Variants in SLC30A10 observed in about 807,000 individuals in gnomAD.
SLC30A10 encodes the protein solute carrier family 30 member 10.
A neutral mutation model predicts 21.7 loss-of-function variants in SLC30A10; 8 were observed. The ratio of observed to expected loss-of-function variants is 0.37; its 90% CI spans 0.22 to 0.67. The LOEUF (loss-of-function observed/expected upper bound fraction) is 0.67. SLC30A10 is among the 30% of genes least tolerant of loss of function. The probability of loss-of-function intolerance (pLI) is 0.58; values close to 1 mark genes in which losing one functional copy is unlikely to be tolerated. For missense variants in SLC30A10, 521 were observed against 642.5 expected (o/e 0.81, Z 2.04); for synonymous variants, 272 against 279.4 (o/e 0.97, Z 0.26).
chr1:219,937,668 G>C (rs982047960), intron 1 of SLC30A10, among the ~76,000 whole-genome samples: 1 of 152,218 alleles, frequency 6.6e-6, no homozygotes, highest in South Asian at 2.1e-4. Context: ...ACAAAAATTA[G>C]TCAGGCGTGC....
At chr1:219,947,434 G>A (rs1447598736) in intron 1 of SLC30A10, among the ~76,000 whole-genome samples, 1 of 152,152 alleles carries the variant, frequency 6.6e-6, no homozygotes, top group Admixed American at 6.5e-5. Context: ...TTAAGAGGCT[G>A]AGATGGGAGG....
chr1:219,927,899 T>C lies in SLC30A10; in HGVS notation c.542A>G (p.Asp181Gly). 2 of 1,538,636 alleles carry C rather than the reference T, an allele frequency of 1.3e-6. No individual in the cohort carries two copies. The highest frequency in any genetic ancestry group is 1.8e-6 in the Non-Finnish European group (2 of 1,142,616). Reference protein sequence around the residue: ...QGAEDPRRAADPTAPGSDSAV... With the variant: ...QGAEDPRRAAGPTAPGSDSAV... ...CGAGTCCGAGCCTGGGGCTGTCGGG[T>C]CCGCCGCGCGCCGCGGGTCCTCCGC... Residue 181 changes from aspartate to glycine, a missense_variant, in exon 1 of 4, where the codon GAC becomes GGC. Transcript: ENST00000366926.
At position 219,912,916 on chromosome 1, in the gene SLC30A10, C is replaced by T. The variant is rs536128392; in HGVS notation, c.*2533G>A. Among the ~76,000 whole-genome samples, 2 of 152,036 alleles carry T rather than the reference C, an allele frequency of 1.3e-5. No individual in the cohort carries two copies. Among genetic ancestry groups the T allele is most frequent in the African/African-American group, 4.8e-5 (2 of 41,380 alleles). On this transcript the variant is annotated 3_prime_UTR_variant, in exon 4 of 4. Coordinates refer to ENST00000366926, the MANE Select transcript of SLC30A10 (RefSeq NM_018713.3). Reference sequence around the variant, plus strand: ...GGAGGAGGGGATTTTCTGTAAATAACCTAAGTATACAGGAGCACCAAACTG... The same window carrying T: ...GGAGGAGGGGATTTTCTGTAAATAATCTAAGTATACAGGAGCACCAAACTG...
In SLC30A10 at chr1:219,915,661, G is replaced by T. The variant is rs746390990; in HGVS notation, c.1246C>A (p.Pro416Thr). 5.6e-6 allele frequency: 9 copies of T among 1,614,122 alleles called. No individual in the cohort carries two copies. Among genetic ancestry groups the T allele is most frequent in the Non-Finnish European group, 7.6e-6 (9 of 1,180,064 alleles). ...SKGCAKQLCC[P>T]PGALPLAHVN... ...TGAGCCAGAGGCAGTGCCCCGGGGG[G>T]ACAACACAGCTGCTTAGCACAGCCC... The change falls in exon 4 of 4, where the codon CCC becomes ACC. Residue 416 changes from proline (P) to threonine (T), a missense_variant. Transcript: ENST00000366926.
At chr1:219,944,003 G>A (rs1660151855) in intron 1 of SLC30A10, among the ~76,000 whole-genome samples, 1 of 151,650 alleles carries the variant, frequency 6.6e-6, no homozygotes, top group Non-Finnish European at 1.5e-5. Flanking sequence ...TGGAAGCTGA[G>A]GTAGGAGAAT....
intron 1 of SLC30A10, among the ~76,000 whole-genome samples, chr1:219,950,706 T>C (rs192810953): frequency 1.3e-5 from 2 of 152,018 alleles, no homozygotes; most frequent in East Asian, 3.9e-4. Context: ...TCCCGGTACT[T>C]TGGGAGGCCG....
chr1:219,950,820 C>A (rs1293867695), intron 1 of SLC30A10, among the ~76,000 whole-genome samples: 19 of 145,452 alleles, frequency 1.3e-4, no homozygotes, highest in South Asian at 6.7e-4. Flanking sequence ...TGGTGGCGGG[C>A]GCCTGTAATC....
intron 1 of SLC30A10, among the ~76,000 whole-genome samples, chr1:219,947,283 T>C (rs1660198879): frequency 6.6e-6 from 1 of 152,224 alleles, no homozygotes; most frequent in East Asian, 1.9e-4. Context: ...GATCCTAGGA[T>C]TTTGCGAGGC....
In SLC30A10 at chr1:219,915,645, G is replaced by C; in HGVS notation, c.1262C>G (p.Pro421Arg). The change falls in exon 4 of 4, where the codon CCT becomes CGT. Residue 421 changes from proline (P) to arginine (R), a missense_variant. Transcript: ENST00000366926. ...KQLCCPPGALPLAHVNGCAEH... is the reference protein window; with the variant it reads ...KQLCCPPGALRLAHVNGCAEH... ...AGCACAGCCATTGACGTGAGCCAGA[G>C]GCAGTGCCCCGGGGGGACAACACAG... 2 of 1,614,264 alleles carry C rather than the reference G, an allele frequency of 1.2e-6. No individual in the cohort carries two copies. The highest frequency in any genetic ancestry group is 1.7e-6 in the Non-Finnish European group (2 of 1,180,042).
chr1:219,942,333 T>A (rs1385174406), intron 1 of SLC30A10, among the ~76,000 whole-genome samples: 4 of 152,086 alleles, frequency 2.6e-5, no homozygotes, highest in Non-Finnish European at 5.9e-5. Flanking sequence ...GAGACAAAAC[T>A]GAGATCGATG....
intron 2 of SLC30A10, among the ~76,000 whole-genome samples, chr1:219,925,651 A>ATATATATATATATATATTTTTT (rs1317554458): frequency 2.1e-4 from 10 of 48,282 alleles, no homozygotes; most frequent in East Asian, 8.2e-4. Flanking sequence ...ATATATATAT[A>ATATATATATATATATATTTTTT]TTTTTTTTTT....
rs1659460075 is a variant in SLC30A10, at chr1:219,913,380, G to A, written c.*2069C>T. Reference sequence around the variant, plus strand: ...TTAGAGATTAAAGAACAGTGTTTAAGTGCAAACTAATATCCATTCCTTCAG... The same window carrying A: ...TTAGAGATTAAAGAACAGTGTTTAAATGCAAACTAATATCCATTCCTTCAG... On this transcript the variant is annotated 3_prime_UTR_variant, in exon 4 of 4. Transcript: ENST00000366926. 6.6e-6 allele frequency: 1 copy of A among 152,208 alleles called. No individual in the cohort carries two copies. Among genetic ancestry groups the A allele is most frequent in the South Asian group, 2.1e-4 (1 of 4,834 alleles). 9.4% of individuals were successfully genotyped at this position (152,208 alleles called of 1,614,324 possible). A position where few individuals can be genotyped will look rare whatever the true frequency, so the allele number is the denominator to read the frequency against.
intron 3 of SLC30A10, among the ~76,000 whole-genome samples, chr1:219,916,634 A>G (rs894992756): frequency 1.3e-5 from 2 of 152,202 alleles, no homozygotes; most frequent in African/African-American, 2.4e-5. Context: ...AAAGATTTCT[A>G]TTATCTCATT....
chr1:219,939,679 C>T lies in SLC30A10; in HGVS notation n.81-12574G>A, dbSNP rs138235652. 8.7e-3 allele frequency among the ~76,000 whole-genome samples: 1,329 copies of T among 152,292 alleles called. 15 individuals are homozygous for T. Among genetic ancestry groups the T allele is most frequent in the African/African-American group, 0.031 (1,268 of 41,556 alleles). ...TCCTGACTTCATGATCCACCCACCT[C>T]GGCCAGCCAAAGTGCTGGGATTACA... On this transcript the variant is annotated intron_variant and non_coding_transcript_variant, in intron 1 of 8. Transcript: ENST00000484239.
intron 1 of SLC30A10, 109 bp downstream of exon 1, chr1:219,927,689 AAAC>A: frequency 4.2e-6 from 4 of 955,880 alleles, no homozygotes; most frequent in Non-Finnish European, 5.6e-6. Flanking sequence ...AAAAAAAAAA[AAAC>A]AGAAAAAAAG....
At chr1:219,926,099 A>G (rs1478496861) in intron 2 of SLC30A10, among the ~76,000 whole-genome samples, 1 of 152,042 alleles carries the variant, frequency 6.6e-6, no homozygotes, top group Non-Finnish European at 1.5e-5. Context: ...AATTTGTTTG[A>G]TTAATTTAGA....
intron 1 of SLC30A10, among the ~76,000 whole-genome samples, chr1:219,940,820 T>G (rs1015068461): frequency 1.3e-5 from 2 of 152,208 alleles, no homozygotes; most frequent in Admixed American, 1.3e-4. Flanking sequence ...GGGTCGATTT[T>G]TGGTTTAATT....
intron 1 of SLC30A10, among the ~76,000 whole-genome samples, chr1:219,936,571 A>G (rs1017346874): frequency 6.6e-6 from 1 of 152,206 alleles, no homozygotes; most frequent in Non-Finnish European, 1.5e-5. Flanking sequence ...CACTTGACCC[A>G]AGATGGGCCA....
chr1:219,929,940 G>A (rs1275415172), upstream of SLC30A10, among the ~76,000 whole-genome samples: 3 of 152,156 alleles, frequency 2.0e-5, no homozygotes, highest in East Asian at 5.8e-4. Flanking sequence ...TCTGCTGCTG[G>A]TCTCTTCCTG....
Sources: allele counts gnomAD v4.1 joint callset (sites outside exome capture counted in the v4.1 genomes callset), GRCh38; gene constraint gnomAD v4.1.1; transcripts MANE v1.5; gene names NCBI Gene and HGNC (gene_info 2026-07-23, HGNC 2026-07-21).